PGAP4: variants seen among roughly 807,000 people sequenced by gnomAD.
PGAP4 encodes the protein GPI-N-acetylgalactosamine transferase PGAP4.
PGAP4 carries 12 observed loss-of-function variants against 28.2 expected under a neutral mutation model. The observed-to-expected ratio is 0.42, with a 90% confidence interval of 0.27 to 0.69. The LOEUF (loss-of-function observed/expected upper bound fraction) is 0.69, where lower values mean the gene tolerates loss of function less well. Ranked by LOEUF, PGAP4 falls within the 30% of genes least tolerant of loss-of-function variation. The pLI is 0.22. For missense variants in PGAP4, 425 were observed against 513.5 expected (o/e 0.83, Z 1.67); for synonymous variants, 205 against 211.8 (o/e 0.97, Z 0.28).
At chr9:101,532,286 A>C (rs1827103654) in intron 1 of PGAP4, among the ~76,000 whole-genome samples, 1 of 151,992 alleles carries the variant, frequency 6.6e-6, no homozygotes, top group Non-Finnish European at 1.5e-5. Flanking sequence ...AAGAAAAAAA[A>C]AAAAAAAGAA....
At chr9:101,529,825 G>C (rs1827071456) in intron 2 of PGAP4, among the ~76,000 whole-genome samples, 1 of 152,232 alleles carries the variant, frequency 6.6e-6, no homozygotes, top group Non-Finnish European at 1.5e-5. Flanking sequence ...ACCTAGAGCA[G>C]TGTTCCTTAA....
intron 2 of PGAP4, among the ~76,000 whole-genome samples, chr9:101,495,058 AAAG>A (rs139160258): frequency 0.085 from 12,041 of 141,846 alleles, 577 homozygotes; most frequent in Middle Eastern, 0.13. Context: ...AATGTAACTG[AAAG>A]AAGATTTACT....
At chr9:101,491,564 G>A (rs1456278978), upstream of PGAP4, among the ~76,000 whole-genome samples, 1 of 151,762 alleles carries the variant, frequency 6.6e-6, no homozygotes, top group African/African-American at 2.4e-5. Context: ...TACCAGACAG[G>A]TCATATTGAC....
At chr9:101,505,306 G>A (rs1826840792) in intron 2 of PGAP4, among the ~76,000 whole-genome samples, 2 of 152,020 alleles carry the variant, frequency 1.3e-5, no homozygotes, top group African/African-American at 4.8e-5. Flanking sequence ...AGGGGTACTT[G>A]AAACCCAGGT....
chr9:101,503,198 A>G (rs1044443048), intron 2 of PGAP4, among the ~76,000 whole-genome samples: 2 of 152,078 alleles, frequency 1.3e-5, no homozygotes, highest in Admixed American at 6.6e-5. Context: ...GAACTCTTAC[A>G]GCCATCTTGG....
intron 2 of PGAP4, among the ~76,000 whole-genome samples, chr9:101,520,634 T>C (rs889279616): frequency 5.9e-5 from 9 of 152,148 alleles, no homozygotes; most frequent in African/African-American, 2.2e-4. Flanking sequence ...CCTTAGGGTT[T>C]TCAAGGTAAA....
At chr9:101,525,852 A>G (rs1827031980) in intron 2 of PGAP4, among the ~76,000 whole-genome samples, 1 of 152,208 alleles carries the variant, frequency 6.6e-6, no homozygotes, top group African/African-American at 2.4e-5. Flanking sequence ...ACTACATAGA[A>G]TTCTATATTC....
At chr9:101,495,128 C>G (rs1428229791) in intron 2 of PGAP4, among the ~76,000 whole-genome samples, 4 of 120,130 alleles carry the variant, frequency 3.3e-5, no homozygotes, top group Non-Finnish European at 6.7e-5. Context: ...TAATTATTTA[C>G]TATTTCTATA....
chr9:101,528,585 G>C (rs1489748899), intron 2 of PGAP4, among the ~76,000 whole-genome samples: 1 of 152,006 alleles, frequency 6.6e-6, no homozygotes, highest in Non-Finnish European at 1.5e-5. Context: ...AGGCCAGGTG[G>C]GTTTCTAGTT....
At chr9:101,531,535 A>G (rs951940185) in exon 2 of PGAP4, 2 of 152,208 alleles carry the variant, frequency 1.3e-5, no homozygotes, top group Non-Finnish European at 2.9e-5. Context: ...GAAGCCTCCA[A>G]CAGTTTCAGC....
At chr9:101,487,233 A>G (rs1215112995), upstream of PGAP4, 1 of 152,256 alleles carries the variant, frequency 6.6e-6, no homozygotes, top group Non-Finnish European at 1.5e-5. Context: ...ACTGATGGGC[A>G]GCCAGGGAAA....
chr9:101,523,558 A>AT (rs1403144732), intron 2 of PGAP4, among the ~76,000 whole-genome samples: 3 of 43,318 alleles, frequency 6.9e-5, no homozygotes, highest in African/African-American at 2.5e-4. Context: ...TGAATTTTTC[A>AT]TTGTTTTTTT....
At chr9:101,528,182 C>G (rs78810137) in intron 2 of PGAP4, among the ~76,000 whole-genome samples, 7,636 of 152,198 alleles carry the variant, frequency 0.05, 260 homozygotes, top group South Asian at 0.089. Context: ...TCTGGAAATT[C>G]TTTTTAAGTG....
At chr9:101,524,386 G>A (rs1474253565) in intron 2 of PGAP4, among the ~76,000 whole-genome samples, 2 of 152,008 alleles carry the variant, frequency 1.3e-5, no homozygotes, top group South Asian at 2.1e-4. Flanking sequence ...CTTGAAAACC[G>A]GCCCCAGGCT....
chr9:101,530,746 G>A (rs1440084902), intron 2 of PGAP4, among the ~76,000 whole-genome samples: 3 of 152,108 alleles, frequency 2.0e-5, no homozygotes, highest in Non-Finnish European at 4.4e-5. Flanking sequence ...TGACTGAGGT[G>A]CTCAGAAAAG....
intron 2 of PGAP4, among the ~76,000 whole-genome samples, chr9:101,529,111 C>T (rs111375622): frequency 0.015 from 2,199 of 150,154 alleles, 46 homozygotes; most frequent in African/African-American, 0.05. Flanking sequence ...CTGCAAATGA[C>T]ATGATGTCAT....
chr9:101,529,892 T>C (rs1827072190), intron 2 of PGAP4, among the ~76,000 whole-genome samples: 1 of 152,222 alleles, frequency 6.6e-6, no homozygotes, highest in Admixed American at 6.5e-5. Context: ...TTCAGAGAGC[T>C]TTCCCCCGGA....
chr9:101,526,928 T>G (rs1182599646), intron 2 of PGAP4, among the ~76,000 whole-genome samples: 1 of 152,232 alleles, frequency 6.6e-6, no homozygotes, highest in Non-Finnish European at 1.5e-5. Context: ...AGGGAAGGGA[T>G]ATCAGGAAAT....
intron 2 of PGAP4, among the ~76,000 whole-genome samples, chr9:101,511,258 A>G (rs1250050858): frequency 6.6e-6 from 1 of 151,972 alleles, no homozygotes; most frequent in African/African-American, 2.4e-5. Flanking sequence ...CTCACCTGCC[A>G]CTCACCTCCT....
Sources: allele counts gnomAD v4.1 joint callset (sites outside exome capture counted in the v4.1 genomes callset), GRCh38; gene constraint gnomAD v4.1.1; transcripts MANE v1.5; gene names NCBI Gene and HGNC (gene_info 2026-07-23, HGNC 2026-07-21).